CLVS1: variants seen among roughly 807,000 people sequenced by gnomAD.
CLVS1 encodes clavesin-1.
Under a neutral mutation model 33.1 loss-of-function variants are expected in CLVS1, and 10 were observed. That is an observed-to-expected ratio of 0.30 (90% confidence interval 0.19 to 0.51). The LOEUF (loss-of-function observed/expected upper bound fraction) is 0.51, where lower values mean the gene tolerates loss of function less well. Among genes scored for constraint, CLVS1 ranks in the 20% least tolerant of loss-of-function variants. The pLI is 0.97. For synonymous variants in CLVS1, 163 were observed against 166.1 expected, an observed-to-expected ratio of 0.98 and a Z score of 0.14; for missense variants, 343 against 433.4, an observed-to-expected ratio of 0.79 and a Z score of 1.85.
intron 2 of CLVS1, among the ~76,000 whole-genome samples, chr8:61,312,252 A>G (rs937318637): frequency 2.6e-5 from 4 of 152,170 alleles, no homozygotes; most frequent in African/African-American, 9.7e-5. Flanking sequence ...CCCTTTCGAT[A>G]TGGTTCCCAG....
chr8:60,980,561 G>A, the CLVS1 span, among the ~76,000 whole-genome samples: 12 of 152,176 alleles, frequency 7.9e-5, no homozygotes, highest in South Asian at 4.1e-4. Context: ...CAAGGCTGGC[G>A]GATCACCTGA....
chr8:61,359,049 A>C (rs1812862894), intron 2 of CLVS1, among the ~76,000 whole-genome samples: 1 of 152,174 alleles, frequency 6.6e-6, no homozygotes, highest in Non-Finnish European at 1.5e-5. Context: ...CTGTTTCCTG[A>C]AATTATCTTG....
chr8:61,140,788 G>C (rs895252262), intron 2 of CLVS1, among the ~76,000 whole-genome samples: 1 of 151,976 alleles, frequency 6.6e-6, no homozygotes, highest in African/African-American at 2.4e-5. Context: ...GGATGGTCTC[G>C]ATCTCCTGAC....
chr8:61,243,899 C>T (rs187792071), intron 2 of CLVS1, among the ~76,000 whole-genome samples: 45 of 152,232 alleles, frequency 3.0e-4, no homozygotes, highest in Admixed American at 1.7e-3. Context: ...CTTTTTGAGA[C>T]GGATACTTTA....
chr8:61,329,760 A>G (rs552659903), intron 2 of CLVS1, among the ~76,000 whole-genome samples: 1 of 152,366 alleles, frequency 6.6e-6, no homozygotes, highest in South Asian at 2.1e-4. Context: ...TAAAAAACTC[A>G]TTACATTTTA....
chr8:61,163,367 G>A (rs144693025), intron 2 of CLVS1, among the ~76,000 whole-genome samples: 249 of 152,280 alleles, frequency 1.6e-3, no homozygotes, highest in African/African-American at 5.8e-3. Flanking sequence ...TCCTTGAAGA[G>A]GTTTATTAGA....
the CLVS1 span, chr8:60,966,603 G>A: frequency 4.2e-6 from 1 of 237,638 alleles, no homozygotes; most frequent in South Asian, 4.4e-5. Flanking sequence ...TGGGTCCCAG[G>A]GAGTTGGAGG....
chr8:61,046,104 G>C, the CLVS1 span, among the ~76,000 whole-genome samples: 2 of 149,080 alleles, frequency 1.3e-5, no homozygotes, highest in African/African-American at 5.0e-5. Context: ...TTTTCTTCTA[G>C]GGTTTTTATG....
At chr8:61,413,169 CA>C (rs142506644) in intron 3 of CLVS1, among the ~76,000 whole-genome samples, 2,087 of 152,292 alleles carry the variant, frequency 0.014, 35 homozygotes, top group African/African-American at 0.047. Context: ...GAGCCCAGCC[CA>C]AGATCTATAT....
chr8:61,228,252 T>C (rs1333937445), intron 2 of CLVS1, among the ~76,000 whole-genome samples: 1 of 152,234 alleles, frequency 6.6e-6, no homozygotes, highest in African/African-American at 2.4e-5. Context: ...GGATACATTA[T>C]GGAATAGCTA....
intron 2 of CLVS1, among the ~76,000 whole-genome samples, chr8:61,334,749 G>C (rs1811728212): frequency 6.6e-6 from 1 of 152,272 alleles, no homozygotes; most frequent in African/African-American, 2.4e-5. Context: ...TGGATGGCTG[G>C]GATCTGTCCA....
At chr8:61,420,486 G>A (rs938159884) in intron 3 of CLVS1, among the ~76,000 whole-genome samples, 1 of 151,842 alleles carries the variant, frequency 6.6e-6, no homozygotes, top group African/African-American at 2.4e-5. Flanking sequence ...CCTGTAGTCC[G>A]AGCTACTCGG....
chr8:61,200,042 G>C (rs1411656988), intron 2 of CLVS1, among the ~76,000 whole-genome samples: 1 of 152,092 alleles, frequency 6.6e-6, no homozygotes, highest in East Asian at 1.9e-4. Flanking sequence ...AAACACTCGG[G>C]AGTTAATAAA....
intron 2 of CLVS1, among the ~76,000 whole-genome samples, chr8:61,372,994 T>G (rs527826200): frequency 6.6e-6 from 1 of 152,216 alleles, no homozygotes; most frequent in Admixed American, 6.5e-5. Context: ...TTCTATACTG[T>G]ACTCTTTGAA....
chr8:61,260,797 A>C (rs1346521937), intron 2 of CLVS1, among the ~76,000 whole-genome samples: 2 of 152,218 alleles, frequency 1.3e-5, no homozygotes, highest in African/African-American at 4.8e-5. Context: ...TCCCCAGAGG[A>C]AACAAGGAAG....
upstream of CLVS1, among the ~76,000 whole-genome samples, chr8:61,283,209 T>C (rs775746004): frequency 7.9e-5 from 12 of 152,224 alleles, no homozygotes; most frequent in Non-Finnish European, 1.5e-4. Context: ...GAACTGATCA[T>C]TTTGATAACA....
intron 3 of CLVS1, among the ~76,000 whole-genome samples, chr8:61,451,701 G>A (rs759805033): frequency 4.6e-5 from 7 of 152,006 alleles, no homozygotes; most frequent in East Asian, 1.9e-4. Context: ...TGCAGTTGGC[G>A]GATGTGATCA....
At chr8:61,279,634 C>T (rs1469974164) in intron 2 of CLVS1, among the ~76,000 whole-genome samples, 1 of 149,906 alleles carries the variant, frequency 6.7e-6, no homozygotes, top group Non-Finnish European at 1.5e-5. Context: ...TCCACTGAAG[C>T]TTTGGGAGGC....
chr8:61,117,743 G>A (rs1339587957), intron 1 of CLVS1, among the ~76,000 whole-genome samples: 2 of 152,308 alleles, frequency 1.3e-5, no homozygotes, highest in African/African-American at 2.4e-5. Flanking sequence ...TGGTGGATAA[G>A]CTTTTTGATG....
Sources: gnomAD v4.1 joint callset for allele counts (sites outside exome capture counted in the v4.1 genomes callset) on GRCh38, gnomAD v4.1.1 for gene constraint, MANE v1.5 for transcripts, NCBI Gene and HGNC (gene_info 2026-07-23, HGNC 2026-07-21) for gene names.